Variants in SORCS3 observed in about 807,000 individuals in gnomAD.
SORCS3 encodes the protein sortilin related VPS10 domain containing receptor 3, also known as VPS10 domain-containing receptor SorCS3.
Under a neutral mutation model 146.3 loss-of-function variants are expected in SORCS3, and 57 were observed. That is an observed-to-expected ratio of 0.39 (90% confidence interval 0.31 to 0.49). The LOEUF is 0.49. Among genes scored for constraint, SORCS3 ranks in the 20% least tolerant of loss-of-function variants. SORCS3 has a pLI of 0.92. For synonymous variants in SORCS3, 653 were observed against 618.5 expected, an observed-to-expected ratio of 1.06 and a Z score of -0.83; for missense variants, 1,341 against 1,575.5, an observed-to-expected ratio of 0.85 and a Z score of 2.52.
intron 6 of SORCS3, among the ~76,000 whole-genome samples, chr10:105,090,156 T>C (rs1339377478): frequency 2.0e-5 from 3 of 152,198 alleles, no homozygotes; most frequent in Admixed American, 2.0e-4. Context: ...TATTTTACAT[T>C]CACATGGCGA....
chr10:105,262,521 T>C (rs1278876015), intron 26 of SORCS3, 30 bp downstream of exon 26: 1 of 1,601,356 alleles, frequency 6.2e-7, no homozygotes, highest in East Asian at 2.2e-5. Context: ...TAAGCTCCCC[T>C]GTTCTGTGTC....
chr10:104,692,450 T>C (rs531395263), intron 1 of SORCS3, among the ~76,000 whole-genome samples: 1 of 152,318 alleles, frequency 6.6e-6, no homozygotes, highest in African/African-American at 2.4e-5. Flanking sequence ...CCATGGCTTA[T>C]ATTACTTTCA....
At chr10:105,216,265 C>A (rs982857646) in intron 18 of SORCS3, among the ~76,000 whole-genome samples, 1 of 152,090 alleles carries the variant, frequency 6.6e-6, no homozygotes, top group Non-Finnish European at 1.5e-5. Flanking sequence ...ATGGGAATCG[C>A]CATCCTATCC....
At chr10:104,809,489 A>C (rs1335553166) in intron 1 of SORCS3, among the ~76,000 whole-genome samples, 1 of 152,208 alleles carries the variant, frequency 6.6e-6, no homozygotes, top group Admixed American at 6.5e-5. Flanking sequence ...TGGACTCAGA[A>C]CTGTAACACC....
intron 20 of SORCS3, among the ~76,000 whole-genome samples, chr10:105,224,026 T>C (rs932778026): frequency 6.6e-6 from 1 of 152,218 alleles, no homozygotes; most frequent in Non-Finnish European, 1.5e-5. Flanking sequence ...CCTCCTCCAT[T>C]ATCAACATCC....
chr10:104,936,470 A>C (rs1295710518), intron 3 of SORCS3, among the ~76,000 whole-genome samples: 3 of 152,182 alleles, frequency 2.0e-5, no homozygotes, highest in African/African-American at 7.2e-5. Flanking sequence ...GTGGCTGGGT[A>C]AATGAATGAG....
chr10:104,717,300 TA>T (rs200835513), intron 1 of SORCS3, among the ~76,000 whole-genome samples: 1,092 of 104,258 alleles, frequency 0.01, 6 homozygotes, highest in African/African-American at 0.025. Context: ...AAAAAAAATG[TA>T]AAAAAAAAAA....
intron 20 of SORCS3, among the ~76,000 whole-genome samples, chr10:105,237,987 C>G (rs143095439): frequency 2.0e-5 from 3 of 152,020 alleles, no homozygotes; most frequent in African/African-American, 7.2e-5. Context: ...GACTTTTGCT[C>G]GTTGATATTA....
intron 2 of SORCS3, among the ~76,000 whole-genome samples, chr10:104,904,186 C>T (rs985943322): frequency 2.6e-5 from 4 of 152,122 alleles, no homozygotes; most frequent in Admixed American, 6.5e-5. Context: ...TATGGAGATA[C>T]AGTAAAGGTC....
chr10:105,248,805 A>G (rs1193428730), intron 22 of SORCS3, among the ~76,000 whole-genome samples: 1 of 152,182 alleles, frequency 6.6e-6, no homozygotes, highest in African/African-American at 2.4e-5. Flanking sequence ...AAGTGCAGCT[A>G]AAATTGAGCT....
chr10:105,053,625 T>A (rs73340290), intron 5 of SORCS3, among the ~76,000 whole-genome samples: 8,933 of 151,994 alleles, frequency 0.059, 281 homozygotes, highest in Middle Eastern at 0.088. Context: ...TTAAATATTT[T>A]TCATTCAGAT....
At chr10:105,085,678 T>A (rs2055655516) in intron 5 of SORCS3, among the ~76,000 whole-genome samples, 1 of 152,210 alleles carries the variant, frequency 6.6e-6, no homozygotes, top group African/African-American at 2.4e-5. Context: ...GGCTTGTATG[T>A]ATCAAGAAAC....
chr10:105,227,888 A>G (rs1183097597), intron 20 of SORCS3, among the ~76,000 whole-genome samples: 1 of 147,906 alleles, frequency 6.8e-6, no homozygotes, highest in Non-Finnish European at 1.5e-5. Context: ...TTCAGTTTTC[A>G]TTTGCATGGA....
At chr10:104,720,489 C>G (rs1166137098) in intron 1 of SORCS3, among the ~76,000 whole-genome samples, 1 of 152,052 alleles carries the variant, frequency 6.6e-6, no homozygotes, top group East Asian at 1.9e-4. Context: ...GGATATATAC[C>G]CAGTAATGGG....
chr10:104,791,974 G>A (rs1423284907), intron 1 of SORCS3, among the ~76,000 whole-genome samples: 6 of 152,132 alleles, frequency 3.9e-5, no homozygotes, highest in South Asian at 2.1e-4. Context: ...AGATAGGGTG[G>A]TCATAGCTGA....
intron 3 of SORCS3, among the ~76,000 whole-genome samples, chr10:104,932,972 C>T (rs898792361): frequency 2.0e-5 from 3 of 152,158 alleles, no homozygotes; most frequent in Non-Finnish European, 2.9e-5. Flanking sequence ...TTCAAATAAT[C>T]CTCCTGTGTT....
At chr10:104,938,158 C>T (rs2019278537) in intron 3 of SORCS3, among the ~76,000 whole-genome samples, 2 of 152,134 alleles carry the variant, frequency 1.3e-5, no homozygotes, top group Non-Finnish European at 2.9e-5. Context: ...GAAAGAAATA[C>T]ATCAGAGAGA....
At chr10:105,015,711 A>G (rs1300863922) in intron 4 of SORCS3, among the ~76,000 whole-genome samples, 2 of 152,044 alleles carry the variant, frequency 1.3e-5, no homozygotes, top group African/African-American at 2.4e-5. Context: ...TCAATGGAAG[A>G]AGTAAGGTTC....
intron 1 of SORCS3, among the ~76,000 whole-genome samples, chr10:104,783,175 G>A (rs550667303): frequency 4.6e-5 from 7 of 152,092 alleles, no homozygotes; most frequent in Non-Finnish European, 5.9e-5. Context: ...GTCCATATGT[G>A]CGGATTGTGA....
Sources: allele counts gnomAD v4.1 joint callset (sites outside exome capture counted in the v4.1 genomes callset), GRCh38; gene constraint gnomAD v4.1.1; transcripts MANE v1.5; gene names NCBI Gene and HGNC (gene_info 2026-07-23, HGNC 2026-07-21).